The following CCZ1B variants were observed in gnomAD, a reference collection of about 807,000 sequenced individuals.
The protein encoded by CCZ1B is vacuolar fusion protein CCZ1 homolog B.
A neutral mutation model predicts 58.8 loss-of-function variants in CCZ1B; 25 were observed. That is an observed-to-expected ratio of 0.43 (90% confidence interval 0.31 to 0.59). CCZ1B has a LOEUF of 0.59. Ranked by LOEUF, CCZ1B falls within the 20% of genes least tolerant of loss-of-function variation. CCZ1B has a pLI of 0.12. For synonymous variants in CCZ1B, 66 were observed against 173.2 expected, an observed-to-expected ratio of 0.38 and a Z score of 4.86; for missense variants, 180 against 501.5, an observed-to-expected ratio of 0.36 and a Z score of 6.12.
chr7:6,810,615 G>C lies in CCZ1B; in HGVS notation c.954+1337C>G, dbSNP rs1474103665. ...CTACACATGAGCACTGCCATGCCTG[G>C]CTAATTTTTAAACATTTTCCTGTCG... On this transcript the variant is annotated intron_variant, in intron 10 of 14. Transcript: ENST00000316731. 7.4e-5 allele frequency among the ~76,000 whole-genome samples: 11 copies of C among 147,984 alleles called. 1 individual carries two copies. The highest frequency in any genetic ancestry group is 2.6e-4 in the African/African-American group (10 of 38,884).
In CCZ1B at chr7:6,823,602, T is replaced by C. The variant is rs1783148838; in HGVS notation, c.391-242A>G. On this transcript the variant is annotated intron_variant, in intron 4 of 14. Coordinates refer to ENST00000316731, the MANE Select transcript of CCZ1B (RefSeq NM_198097.5). ...GGTACAATCCTGGCTCACTGCAACA[T>C]TTGCGTCCCCGGTTCAAGCGATTCT... 4.9e-5 allele frequency among the ~76,000 whole-genome samples: 7 copies of C among 141,920 alleles called. No homozygotes were observed. In the Admixed American group the frequency reaches 5.1e-4, roughly 10 times the overall value. The allele number at this position is 141,920 out of a possible 152,430, so 93.1% of individuals were successfully genotyped here.
chr7:6,812,350 C>G (rs1404495942), intron 9 of CCZ1B: 3 of 388,548 alleles, frequency 7.7e-6, no homozygotes, highest in South Asian at 2.3e-5. Context: ...TTAGCTGGTT[C>G]TGGTGGTGGG....
At chr7:6,822,807 T>C (rs1175101553) in intron 5 of CCZ1B, among the ~76,000 whole-genome samples, 3 of 142,840 alleles carry the variant, frequency 2.1e-5, no homozygotes, top group Non-Finnish European at 4.6e-5. Flanking sequence ...GTGCGAGCGA[T>C]CCTCCCACCT....
intron 3 of CCZ1B, 127 bp from the exon 4 acceptor site, chr7:6,824,293 G>A: frequency 6.6e-7 from 1 of 1,511,770 alleles, no homozygotes; most frequent in Non-Finnish European, 8.9e-7. Context: ...CCCCAAGAAT[G>A]AATAAAGCAA....
At chr7:6,799,484 G>A (rs1426184244) in intron 14 of CCZ1B, 1 of 179,062 alleles carries the variant, frequency 5.6e-6, no homozygotes, top group African/African-American at 6.8e-5. Flanking sequence ...CTGGAGTGTA[G>A]TGGTGTGATC....
chr7:6,816,032 C>T (rs1457857237), intron 7 of CCZ1B, among the ~76,000 whole-genome samples: 4 of 147,312 alleles, frequency 2.7e-5, no homozygotes, highest in Non-Finnish European at 5.9e-5. Context: ...AACAAGCTTT[C>T]AGGCAAACCA....
intron 6 of CCZ1B, among the ~76,000 whole-genome samples, chr7:6,821,945 T>A (rs1273456664): frequency 1.3e-5 from 2 of 149,572 alleles, no homozygotes; most frequent in African/African-American, 2.5e-5. Flanking sequence ...GTTTTCCTTA[T>A]CAACTAATCT....
intron 7 of CCZ1B, among the ~76,000 whole-genome samples, chr7:6,817,678 C>T (rs1317275709): frequency 6.7e-6 from 1 of 149,794 alleles, no homozygotes; most frequent in Non-Finnish European, 1.5e-5. Context: ...ATAGCTGAGT[C>T]AGTACAGCGT....
At chr7:6,823,515 C>CTTTTTTTTTT (rs897480782) in intron 4 of CCZ1B, among the ~76,000 whole-genome samples, 155 bp from the exon 5 acceptor site, 17 of 104,876 alleles carry the variant, frequency 1.6e-4, no homozygotes, top group African/African-American at 4.1e-4. Flanking sequence ...TGTTTGCGTT[C>CTTTTTTTTTT]TTTTTTTTTT....
intron 7 of CCZ1B, 77 bp downstream of exon 7, chr7:6,819,689 C>T: frequency 1.2e-6 from 1 of 814,192 alleles, no homozygotes; most frequent in Non-Finnish European, 1.9e-6. Flanking sequence ...TGTTTGACAA[C>T]CTGTCATCAA....
In CCZ1B at chr7:6,822,285, T is replaced by G; in HGVS notation, c.518A>C (p.His173Pro). The change falls in exon 6 of 15, where the codon CAT becomes CCT. Residue 173 changes from histidine (H) to proline (P), a missense_variant. Physicochemically the swap from His to Pro is moderately conservative, Grantham distance 77 (BLOSUM62 -2). Coordinates refer to ENST00000316731, the MANE Select transcript of CCZ1B (RefSeq NM_198097.5). ...LLKERLEKFFHRYLQTLHLQS... is the reference protein window; with the variant it reads ...LLKERLEKFFPRYLQTLHLQS... Reference sequence around the variant, plus strand: ...AATGAAATTCAAAATACTTACCCGATGGAAGAATTTCTCTAATCTTTCTTT... The same window carrying G: ...AATGAAATTCAAAATACTTACCCGAGGGAAGAATTTCTCTAATCTTTCTTT... The G allele has an allele frequency of 6.3e-7, 1 of 1,583,784 alleles. No individual in the cohort carries two copies. Among genetic ancestry groups the G allele is most frequent in the Non-Finnish European group, 8.5e-7 (1 of 1,170,808 alleles).
At position 6,812,160 on chromosome 7, in the gene CCZ1B, C is replaced by G. The variant is rs921741463; in HGVS notation, c.843-97G>C. ...ACTCCCACTTCATACACACCAGTTG[C>G]TTTTGATGCCAGCTGCTATTTGGCA... On this transcript the variant is annotated intron_variant, in intron 9 of 14. Coordinates refer to ENST00000316731, the MANE Select transcript of CCZ1B (RefSeq NM_198097.5). 5.1e-6 allele frequency: 6 copies of G among 1,172,996 alleles called. 1 individual carries two copies. In the African/African-American group the frequency reaches 9.8e-5, roughly 19 times the overall value. The allele number at this position is 1,172,996 out of a possible 1,614,324, so 72.7% of individuals were successfully genotyped here.
In CCZ1B at chr7:6,818,671, A is replaced by C. The variant is rs200948072; in HGVS notation, c.698+1095T>G. On this transcript the variant is annotated intron_variant, in intron 7 of 14. Coordinates refer to ENST00000316731, the MANE Select transcript of CCZ1B (RefSeq NM_198097.5). ...AAAGACAGAAAGAAAGACAGACAGA[A>C]AGAAAGAAAGAAAGAAAGAAAGACA... 4.3e-3 allele frequency among the ~76,000 whole-genome samples: 198 copies of C among 46,140 alleles called. 22 individuals are homozygous for C. The highest frequency in any genetic ancestry group is 0.013 in the African/African-American group (163 of 13,040). The allele number at this position is 46,140 out of a possible 152,430, so 30.3% of individuals were successfully genotyped here.
At chr7:6,820,236 TG>T (rs1783086919) in intron 6 of CCZ1B, among the ~76,000 whole-genome samples, 1 of 149,452 alleles carries the variant, frequency 6.7e-6, no homozygotes, top group Non-Finnish European at 1.5e-5. Flanking sequence ...TGGAGTGCAG[TG>T]GTGCGATCTC....
intron 6 of CCZ1B, among the ~76,000 whole-genome samples, chr7:6,821,929 A>T (rs1783117990): frequency 6.7e-6 from 1 of 149,646 alleles, no homozygotes; most frequent in Admixed American, 6.6e-5. Flanking sequence ...CAACTCCAAT[A>T]ATTAAGTTTT....
In CCZ1B at chr7:6,819,843, C is replaced by T. The variant is rs1265567133; in HGVS notation, c.621G>A (p.Gln207=). Residue 207 remains glutamine, a synonymous_variant, in exon 7 of 15, where the codon CAG becomes CAA. Transcript: ENST00000316731. Reference sequence around the variant, plus strand: ...TTTCCTCCATTCTATTAATAAAGGACTGGATTTTCAAATAAGTCATTTTAT... The same window carrying T: ...TTTCCTCCATTCTATTAATAAAGGATTGGATTTTCAAATAAGTCATTTTAT... ...PLDKMTYLKI[Q]SFINRMEESL... is the part of the protein sequence containing the mutation. The T allele has an allele frequency of 1.9e-6, 3 of 1,572,268 alleles. No homozygotes were observed. Among genetic ancestry groups the T allele is most frequent in the Non-Finnish European group, 2.6e-6 (3 of 1,149,182 alleles).
intron 6 of CCZ1B, among the ~76,000 whole-genome samples, chr7:6,821,336 T>A (rs1156768626): frequency 1.3e-5 from 2 of 151,174 alleles, no homozygotes; most frequent in Non-Finnish European, 2.9e-5. Context: ...ACTAAAATCA[T>A]GTCTAAATGA....
rs1030891112 is a variant in CCZ1B, at chr7:6,815,269, G to A, written c.699-424C>T. ...CAGCCTTGGCCTCCAGGGCTCAAGCGGTCCTCCCATCTCAGCCTCCAGACT... is the reference window on the plus strand; with the variant it reads ...CAGCCTTGGCCTCCAGGGCTCAAGCAGTCCTCCCATCTCAGCCTCCAGACT... On this transcript the variant is annotated intron_variant, in intron 7 of 14. Coordinates refer to ENST00000316731, the MANE Select transcript of CCZ1B (RefSeq NM_198097.5). 6.1e-5 allele frequency among the ~76,000 whole-genome samples: 9 copies of A among 147,122 alleles called. 1 individual carries two copies. The highest frequency in any genetic ancestry group is 2.2e-4 in the South Asian group (1 of 4,600).
At chr7:6,815,567 A>G (rs200370768) in intron 7 of CCZ1B, among the ~76,000 whole-genome samples, 5,676 of 141,418 alleles carry the variant, frequency 0.04, 49 homozygotes, top group East Asian at 0.16. Context: ...AGGCTCAAGC[A>G]AACCTCCCAC....
Sources: gnomAD v4.1 joint callset for allele counts (sites outside exome capture counted in the v4.1 genomes callset) on GRCh38, gnomAD v4.1.1 for gene constraint, MANE v1.5 for transcripts, NCBI Gene and HGNC (gene_info 2026-07-23, HGNC 2026-07-21) for gene names.